The following ITGA1 variants were observed in gnomAD, a reference collection of about 807,000 sequenced individuals.
ITGA1 encodes the protein integrin subunit alpha 1.
ITGA1 carries 85 observed loss-of-function variants against 145.9 expected under a neutral mutation model. The ratio of observed to expected loss-of-function variants is 0.58; its 90% confidence interval spans 0.49 to 0.70. ITGA1 has a LOEUF of 0.70. Ranked by LOEUF, ITGA1 falls within the 30% of genes least tolerant of loss-of-function variation. The probability of loss-of-function intolerance (pLI) is 0.00; values close to 1 mark genes in which losing one functional copy is unlikely to be tolerated. For missense variants in ITGA1, 1,351 were observed against 1,418.7 expected, an observed-to-expected ratio of 0.95 and a Z score of 0.77; for synonymous variants, 520 against 495.3, an observed-to-expected ratio of 1.05 and a Z score of -0.66.
chr5:52,927,554 A>C (rs1179170048), intron 19 of ITGA1, 30 bp from the exon 20 acceptor site: 9 of 1,476,130 alleles, frequency 6.1e-6, no homozygotes, highest in Non-Finnish European at 6.6e-6. Context: ...CTGCTTGTCC[A>C]CTCTGATTCT....
chr5:52,807,304 A>C (rs1481790069), intron 1 of ITGA1, among the ~76,000 whole-genome samples: 1 of 150,210 alleles, frequency 6.7e-6, no homozygotes, highest in East Asian at 1.9e-4. Context: ...TGTTATAACA[A>C]AAGTAACTGT....
chr5:52,944,489 A>C (rs977020362), intron 26 of ITGA1, among the ~76,000 whole-genome samples: 1 of 152,074 alleles, frequency 6.6e-6, no homozygotes, highest in African/African-American at 2.4e-5. Context: ...TGCCCAAATT[A>C]TATTATTTAC....
At chr5:52,901,839 A>G (rs1390118490) in intron 11 of ITGA1, 4 of 152,204 alleles carry the variant, frequency 2.6e-5, no homozygotes, top group East Asian at 1.9e-4. Flanking sequence ...TATGTTTTCT[A>G]CAGTGTGCTG....
chr5:52,860,995 A>G (rs1385304478), intron 2 of ITGA1, among the ~76,000 whole-genome samples: 1 of 152,226 alleles, frequency 6.6e-6, no homozygotes, highest in African/African-American at 2.4e-5. Flanking sequence ...GCAGTTCATC[A>G]TAGGAAAAAG....
chr5:52,847,544 T>TTTTG (rs149706530), intron 1 of ITGA1, among the ~76,000 whole-genome samples: 3 of 151,594 alleles, frequency 2.0e-5, no homozygotes, highest in Non-Finnish European at 2.9e-5. Context: ...TTGGAAATAA[T>TTTTG]TTTGTTTGTT....
intron 8 of ITGA1, among the ~76,000 whole-genome samples, chr5:52,888,882 C>A (rs184989812): frequency 1.1e-4 from 17 of 152,294 alleles, no homozygotes; most frequent in Admixed American, 9.1e-4. Context: ...TTAAAGTCCT[C>A]TGATGAGACG....
chr5:52,888,784 G>T (rs1750096721), intron 8 of ITGA1, among the ~76,000 whole-genome samples: 1 of 152,160 alleles, frequency 6.6e-6, no homozygotes, highest in South Asian at 2.1e-4. Flanking sequence ...TATTCCTATA[G>T]CTTCATGGAA....
intron 17 of ITGA1, among the ~76,000 whole-genome samples, chr5:52,922,270 C>T (rs1750741942): frequency 6.6e-6 from 1 of 151,296 alleles, no homozygotes; most frequent in African/African-American, 2.4e-5. Flanking sequence ...CGCTGTACTC[C>T]AGCCTGGGTG....
intron 16 of ITGA1, among the ~76,000 whole-genome samples, chr5:52,919,917 ATAAC>A: frequency 6.6e-6 from 1 of 152,254 alleles, no homozygotes; most frequent in East Asian, 1.9e-4. Context: ...TTGTAAATAA[ATAAC>A]TAAAGTATAT....
At chr5:52,813,551 G>C (rs896800732) in intron 1 of ITGA1, among the ~76,000 whole-genome samples, 10 of 152,162 alleles carry the variant, frequency 6.6e-5, no homozygotes, top group Admixed American at 6.6e-5. Flanking sequence ...TCAGAACCCT[G>C]CTATAGAAAT....
rs1751294463 is a variant in ITGA1 at position 52,955,719 on chromosome 5, C to A, written c.*3268C>A. The A allele has an allele frequency of 6.6e-6, 1 of 152,142 alleles. No individual in the cohort carries two copies. Among genetic ancestry groups the A allele is most frequent in the Non-Finnish European group, 1.5e-5 (1 of 68,022 alleles). The allele number at this position is 152,142 out of a possible 1,614,324, so 9.4% of individuals were successfully genotyped here. ...CTGTGATACACATTACAAAAGATGA[C>A]ACTTTGTAAATATTTTGAACTTCTA... On this transcript the variant is annotated 3_prime_UTR_variant, in exon 29 of 29. Transcript: ENST00000282588.
intron 6 of ITGA1, among the ~76,000 whole-genome samples, chr5:52,866,357 T>C (rs1293595898): frequency 6.6e-6 from 1 of 152,206 alleles, no homozygotes; most frequent in Non-Finnish European, 1.5e-5. Flanking sequence ...TTATGAAAGC[T>C]GCCATTTTTA....
Position 52,898,352 on chromosome 5 carries a change from C to G in ITGA1, c.1278C>G (p.Thr426=). 6.2e-7 allele frequency: 1 copy of G among 1,606,146 alleles called. No individual in the cohort carries two copies. The highest frequency in any genetic ancestry group is 8.5e-7 in the Non-Finnish European group (1 of 1,176,332). The change falls in exon 11 of 29, where the codon ACC becomes ACG. Residue 426 remains threonine, a synonymous_variant. Coordinates refer to ENST00000282588, the MANE Select transcript of ITGA1 (RefSeq NM_181501.2). ...ACACAACCTTTAATGTTGAGTCTAC[C>G]AAAAAGAATGAACCGCTTGCTTCTT... is the stretch of plus-strand genomic sequence containing the variant. ...PRNTTFNVES[T]KKNEPLASYL...
At chr5:52,883,617 C>A (rs2111807430) in intron 7 of ITGA1, among the ~76,000 whole-genome samples, 1 of 152,188 alleles carries the variant, frequency 6.6e-6, no homozygotes, top group Admixed American at 6.5e-5. Context: ...CAGTAAATCC[C>A]AGTTCAAAGT....
chr5:52,938,966 G>A (rs536462333), intron 24 of ITGA1, among the ~76,000 whole-genome samples: 6 of 151,888 alleles, frequency 4.0e-5, no homozygotes, highest in South Asian at 2.1e-4. Flanking sequence ...GCAGTGGCGC[G>A]ATCTTGGCTT....
chr5:52,874,035 T>C (rs1473839464), intron 6 of ITGA1, among the ~76,000 whole-genome samples: 1 of 150,830 alleles, frequency 6.6e-6, no homozygotes, highest in Admixed American at 6.6e-5. Flanking sequence ...TCTGTTGCTA[T>C]AACAAAATAC....
intron 20 of ITGA1, among the ~76,000 whole-genome samples, chr5:52,928,197 A>T (rs1196904146): frequency 6.6e-6 from 1 of 152,238 alleles, no homozygotes; most frequent in African/African-American, 2.4e-5. Context: ...TTACACAGGC[A>T]AACTCGAACA....
chr5:52,880,169 G>T (rs1211465660), intron 6 of ITGA1, among the ~76,000 whole-genome samples: 1 of 152,114 alleles, frequency 6.6e-6, no homozygotes. Context: ...GATTGAAAGA[G>T]CCCTTGGATA....
At chr5:52,927,710 T>C (rs768238392) in intron 20 of ITGA1, 46 bp downstream of exon 20, 3 of 1,204,798 alleles carry the variant, frequency 2.5e-6, no homozygotes, top group South Asian at 2.5e-5. Context: ...ATATGAAAAG[T>C]AATATGTGCA....
Sources: gnomAD v4.1 joint callset for allele counts (sites outside exome capture counted in the v4.1 genomes callset) on GRCh38, gnomAD v4.1.1 for gene constraint, MANE v1.5 for transcripts, NCBI Gene and HGNC (gene_info 2026-07-23, HGNC 2026-07-21) for gene names.